The following CAPN15 variants were observed in gnomAD, a reference collection of about 807,000 sequenced individuals.
CAPN15 encodes the protein calpain 15.
Under a neutral mutation model 97.9 loss-of-function variants are expected in CAPN15, and 53 were observed. That is an observed-to-expected ratio of 0.54 (90% CI 0.43 to 0.68). The LOEUF is 0.68. Among genes scored for constraint, CAPN15 ranks in the 30% least tolerant of loss-of-function variants. CAPN15 has a pLI of 0.00. For missense variants in CAPN15, 1,592 were observed against 1,589.8 expected, an observed-to-expected ratio of 1.00 and a Z score of -0.02; for synonymous variants, 922 against 722.5, an observed-to-expected ratio of 1.28 and a Z score of -4.43.
At chr16:550,292 C>G (rs919902327) in intron 7 of CAPN15, among the ~76,000 whole-genome samples, 2 of 152,228 alleles carry the variant, frequency 1.3e-5, no homozygotes, top group Non-Finnish European at 2.9e-5. Context: ...TCTCAGCTGA[C>G]CCTGGGCAGT....
At position 552,955 on chromosome 16, in the gene CAPN15, C is replaced by G; in HGVS notation, c.2997C>G (p.His999Gln). 1.9e-6 allele frequency: 3 copies of G among 1,611,724 alleles called. No individual in the cohort carries two copies. Among genetic ancestry groups the G allele is most frequent in the Non-Finnish European group, 2.5e-6 (3 of 1,179,276 alleles). ...VENRHPKAYL[H>Q]VQCDCTDSFN... ...ACCGACACCCCAAGGCCTACCTGCA[C>G]GTGCAGTGTGACTGCACCGACAGCT... The change falls in exon 13 of 14, where the codon CAC becomes CAG. Residue 999 changes from histidine to glutamine, a missense_variant. By Grantham distance (24) the His-to-Gln change is conservative. This residue lies in a region of CAPN15 where 644 missense variants were observed against 699.6 expected (regional missense o/e 0.92). Transcript: ENST00000219611. The surrounding 1 kb of genome is among the most constrained non-coding windows in gnomAD (Gnocchi z 6.4).
rs759024161 is a variant in CAPN15, at chr16:547,873, A to G, written c.1035A>G (p.Ser345=). 22 of 1,611,496 alleles carry G rather than the reference A, an allele frequency of 1.4e-5. No individual in the cohort carries two copies. Among genetic ancestry groups the G allele is most frequent in the Non-Finnish European group, 1.7e-5 (20 of 1,179,420 alleles). Residue 345 remains serine, a synonymous_variant, in exon 4 of 14, where the codon TCA becomes TCG. Coordinates refer to ENST00000219611, the MANE Select transcript of CAPN15 (RefSeq NM_005632.3). ...CCAGCCCCGACTTCACCACCTGGTC[A>G]TGTGCCAAGTGCACGCTCAGAAACC... ...SPSSPDFTTW[S]CAKCTLRNPT...
intron 3 of CAPN15, among the ~76,000 whole-genome samples, chr16:543,005 TGC>T (rs2034245561): frequency 1.3e-5 from 2 of 150,920 alleles, no homozygotes; most frequent in East Asian, 3.9e-4. Flanking sequence ...GAGCCAAGAT[TGC>T]ACCACTGCAC....
At chr16:534,694 C>T (rs1042939237) in intron 2 of CAPN15, among the ~76,000 whole-genome samples, 3 of 152,202 alleles carry the variant, frequency 2.0e-5, no homozygotes, top group African/African-American at 4.8e-5. Context: ...GGACCAGCAG[C>T]CTCTGGTCTG....
chr16:540,197 G>C, intron 3 of CAPN15: 1 of 985,474 alleles, frequency 1.0e-6, no homozygotes, highest in Non-Finnish European at 1.2e-6. Context: ...GCCATGGGGA[G>C]CTCCGCCTCC....
intron 7 of CAPN15, among the ~76,000 whole-genome samples, chr16:550,272 G>A (rs1389526953): frequency 6.6e-6 from 1 of 152,170 alleles, no homozygotes; most frequent in African/African-American, 2.4e-5. Flanking sequence ...TGAAGCTCCC[G>A]GAGCCCTCCT....
In CAPN15 at chr16:542,918, A is replaced by G. The variant is rs117772453; in HGVS notation, c.-22-3899A>G. Among the ~76,000 whole-genome samples the G allele has an allele frequency of 7.8e-4, 119 of 152,262 alleles. 1 individual carries two copies. The East Asian group carries it at 0.012, about 15-fold the overall frequency. On this transcript the variant is annotated intron_variant, in intron 3 of 13. Coordinates refer to ENST00000219611, the MANE Select transcript of CAPN15 (RefSeq NM_005632.3). ...AAACAAAAATTAGCTGGGCGTGGTGACGGGCACCTATAATCCTAGCTACTA... is the reference window on the plus strand; with the variant it reads ...AAACAAAAATTAGCTGGGCGTGGTGGCGGGCACCTATAATCCTAGCTACTA...
chr16:540,059 T>C, intron 3 of CAPN15: 1 of 983,248 alleles, frequency 1.0e-6, no homozygotes, highest in African/African-American at 1.7e-5. Context: ...TCTCTCTCTG[T>C]CTGTTTATTT....
intron 3 of CAPN15, among the ~76,000 whole-genome samples, chr16:536,505 C>T (rs886610710): frequency 1.4e-4 from 21 of 152,088 alleles, no homozygotes; most frequent in Middle Eastern, 3.4e-3. Flanking sequence ...TCACTGCAAC[C>T]TCCGCCTCCC....
chr16:539,395 A>G (rs925518946), intron 3 of CAPN15: 3 of 152,296 alleles, frequency 2.0e-5, no homozygotes, highest in African/African-American at 7.2e-5. Flanking sequence ...CTCCCGTCTC[A>G]GGATTAACGT....
chr16:553,346 C>G lies in CAPN15; in HGVS notation c.3091C>G (p.Leu1031Val). The change falls in exon 14 of 14, where the codon CTG becomes GTG. Residue 1031 changes from leucine to valine, a missense_variant. This residue lies in a region of CAPN15 where 644 missense variants were observed against 699.6 expected (regional missense o/e 0.92). Transcript: ENST00000219611. ...DSVPPLHRQV[L>V]VILSQLEGNA... ...ACCGGTCCCCTCCCCCAGGCAGGTC[C>G]TGGTGATCTTGTCCCAGCTAGAGGG... 6.2e-7 allele frequency: 1 copy of G among 1,603,800 alleles called. No homozygotes were observed. Among genetic ancestry groups the G allele is most frequent in the Non-Finnish European group, 8.5e-7 (1 of 1,175,256 alleles).
chr16:550,128 C>T (rs888935678), intron 7 of CAPN15, among the ~76,000 whole-genome samples: 3 of 131,782 alleles, frequency 2.3e-5, no homozygotes, highest in Non-Finnish European at 4.4e-5. Flanking sequence ...TGACCTGGGC[C>T]GTGGGGCGAG....
Position 552,833 on chromosome 16 carries a change from C to T in CAPN15, c.2905-30C>T. ...GGGGGAGTATGCCCCAGCACCTCCCCTGCCCCACAACTGCCATTCCTGTGC... is the reference window on the plus strand; with the variant it reads ...GGGGGAGTATGCCCCAGCACCTCCCTTGCCCCACAACTGCCATTCCTGTGC... On this transcript the variant is annotated intron_variant, in intron 12 of 13. Transcript: ENST00000219611. This position sits in a 1 kb window ranked among gnomAD's most constrained non-coding sequence, Gnocchi z 6.4. The T allele has an allele frequency of 6.3e-7, 1 of 1,576,730 alleles. No individual in the cohort carries two copies. The highest frequency in any genetic ancestry group is 8.6e-7 in the Non-Finnish European group (1 of 1,158,678).
chr16:543,774 C>T (rs1014680953), intron 3 of CAPN15, among the ~76,000 whole-genome samples: 21 of 152,322 alleles, frequency 1.4e-4, no homozygotes, highest in African/African-American at 4.6e-4. Context: ...CGTGCTCCGA[C>T]GGAGGGCGCC....
At position 551,200 on chromosome 16, in the gene CAPN15, G is replaced by C. The variant is rs536688753; in HGVS notation, c.2067-102G>C. On this transcript the variant is annotated intron_variant, in intron 7 of 13. Transcript: ENST00000219611. The stretch of plus-strand genomic sequence containing the variant: ...GGTCGGTGAGGGCCCCGGTCGGTGA[G>C]GGTCCCCAGTCGGTGAGGGTCCCGG... 43 of 1,451,668 alleles carry C rather than the reference G, an allele frequency of 3.0e-5. No individual in the cohort carries two copies. In the South Asian group the frequency reaches 5.6e-4, roughly 19 times the overall value. The allele number at this position is 1,451,668 out of a possible 1,614,324, so 89.9% of individuals were successfully genotyped here.
chr16:537,131 C>T, intron 3 of CAPN15: 1 of 985,456 alleles, frequency 1.0e-6, no homozygotes, highest in Non-Finnish European at 1.2e-6. Context: ...CTTTTCTCTG[C>T]AGGGTCCTCT....
In CAPN15 at chr16:548,113, CGCACTGCGGGCCAA is replaced by C; in HGVS notation, c.1284_1297del (p.Ala429ArgfsTer58). 1 of 1,537,890 alleles carries C rather than the reference CGCACTGCGGGCCAA, an allele frequency of 6.5e-7. No homozygotes were observed. The highest frequency in any genetic ancestry group is 8.7e-7 in the Non-Finnish European group (1 of 1,143,024). On this transcript the variant is annotated frameshift_variant, in exon 4 of 14. Transcript: ENST00000219611. LOFTEE classifies it high-confidence loss of function. Reference sequence around the variant, plus strand: ...CCTGCCCTGCCTGTACCCTGCTCAACGCACTGCGGGCCAAGCACTGCGCCGCCTGCCACACGCCT... The same window carrying C: ...CCTGCCCTGCCTGTACCCTGCTCAACGCACTGCGCCGCCTGCCACACGCCT...
intron 3 of CAPN15, among the ~76,000 whole-genome samples, chr16:542,995 G>A (rs577128228): frequency 8.0e-5 from 11 of 137,682 alleles, no homozygotes; most frequent in South Asian, 2.1e-4. Context: ...AGGTTGCAGT[G>A]AGCCAAGATT....
intron 3 of CAPN15, among the ~76,000 whole-genome samples, chr16:545,426 C>T (rs2034519238): frequency 6.6e-6 from 1 of 152,142 alleles, no homozygotes; most frequent in Admixed American, 6.5e-5. Context: ...GTGACACTCC[C>T]CTCAGCGTCT....
Sources: allele counts gnomAD v4.1 joint callset (sites outside exome capture counted in the v4.1 genomes callset), GRCh38; gene constraint gnomAD v4.1.1; regional missense constraint gnomAD v4.1.1; non-coding constraint Gnocchi (gnomAD v3.1); transcripts MANE v1.5; gene names NCBI Gene and HGNC (gene_info 2026-07-23, HGNC 2026-07-21).